The following CRB1 variants were observed in gnomAD, a reference collection of about 807,000 sequenced individuals.
The protein encoded by CRB1 is crumbs cell polarity complex component 1.
CRB1 carries 83 observed loss-of-function variants against 120.0 expected under a neutral mutation model. The observed-to-expected ratio is 0.69, with a 90% confidence interval of 0.58 to 0.83. The LOEUF is 0.83. CRB1 is among the 40% of genes least tolerant of loss of function. The probability of loss-of-function intolerance (pLI) is 0.00; values close to 1 mark genes in which losing one functional copy is unlikely to be tolerated. For synonymous variants in CRB1, 625 were observed against 612.5 expected (o/e 1.02, Z -0.30); for missense variants, 1,699 against 1,687.6 (o/e 1.01, Z -0.12).
intron 11 of CRB1, among the ~76,000 whole-genome samples, chr1:197,455,985 T>C (rs905048017): frequency 1.4e-4 from 21 of 152,110 alleles, no homozygotes; most frequent in African/African-American, 4.8e-4. Context: ...ATTTGATGTT[T>C]TGGAAATTAT....
intron 5 of CRB1, among the ~76,000 whole-genome samples, chr1:197,361,791 A>G (rs1402742985): frequency 6.7e-6 from 1 of 150,010 alleles, no homozygotes; most frequent in African/African-American, 2.5e-5. Context: ...TTTTGGTTTC[A>G]TTTATTTTCT....
chr1:197,441,843 C>T, intron 10 of CRB1: 2 of 347,340 alleles, frequency 5.8e-6, no homozygotes, highest in South Asian at 5.6e-5. Context: ...GTGGCAACCA[C>T]ACTAATGCTC....
At chr1:197,317,156 G>A (rs979568703) in intron 1 of CRB1, among the ~76,000 whole-genome samples, 5 of 152,130 alleles carry the variant, frequency 3.3e-5, no homozygotes. Flanking sequence ...GGTGGCTCAC[G>A]CCTGTAATCC....
chr1:197,237,859 T>C, the CRB1 span, among the ~76,000 whole-genome samples: 2 of 152,126 alleles, frequency 1.3e-5, no homozygotes, highest in Non-Finnish European at 2.9e-5. Context: ...TGATTTCTGC[T>C]CTTTATTATT....
At chr1:197,375,458 G>A (rs1571423783) in intron 5 of CRB1, among the ~76,000 whole-genome samples, 1 of 152,028 alleles carries the variant, frequency 6.6e-6, no homozygotes, top group East Asian at 1.9e-4. Context: ...TTTCAAAGTT[G>A]CTTGCTGCAA....
intron 2 of CRB1, among the ~76,000 whole-genome samples, chr1:197,329,539 T>C (rs986180656): frequency 1.3e-5 from 2 of 152,232 alleles, no homozygotes; most frequent in Admixed American, 6.5e-5. Context: ...CAATTGTACC[T>C]CATATTTATC....
intron 1 of CRB1, among the ~76,000 whole-genome samples, chr1:197,287,825 A>G (rs1338930191): frequency 6.6e-6 from 1 of 151,890 alleles, no homozygotes; most frequent in Admixed American, 6.6e-5. Context: ...AGAGGTGTCC[A>G]CTTCTGAGCA....
At chr1:197,471,538 G>T (rs1272407634) in intron 11 of CRB1, among the ~76,000 whole-genome samples, 1 of 152,166 alleles carries the variant, frequency 6.6e-6, no homozygotes, top group Admixed American at 6.5e-5. Flanking sequence ...AGAGGGAAAG[G>T]TGCCTGGTGG....
At chr1:197,443,561 AT>A (rs1665561647) in intron 11 of CRB1, 1 of 151,892 alleles carries the variant, frequency 6.6e-6, no homozygotes, top group Non-Finnish European at 1.5e-5. Flanking sequence ...AAAAGTATAT[AT>A]TGTAAAACTT....
intron 11 of CRB1, among the ~76,000 whole-genome samples, chr1:197,451,897 A>C (rs190928043): frequency 1.3e-5 from 2 of 152,378 alleles, no homozygotes; most frequent in Admixed American, 1.3e-4. Context: ...TATGCCACTG[A>C]AACATTAGAT....
chr1:197,356,856 C>T lies in CRB1; in HGVS notation c.1014C>T (p.Ile338=), dbSNP rs771549675. ...WPGYTGAQCE[I]DLNECNSNPC... ...GATACACAGGTGCCCAGTGTGAGAT[C>T]GACCTCAATGAATGCAATAGTAACC... is the stretch of plus-strand genomic sequence containing the variant. Residue 338 remains isoleucine (I), a synonymous_variant, in exon 5 of 12, where the codon ATC becomes ATT. Coordinates refer to ENST00000367400, the MANE Select transcript of CRB1 (RefSeq NM_201253.3). The T allele has an allele frequency of 6.8e-6, 11 of 1,614,036 alleles. No homozygotes were observed. Among genetic ancestry groups the T allele is most frequent in the African/African-American group, 4.0e-5 (3 of 74,916 alleles).
chr1:197,354,749 C>G (rs1042457871), intron 4 of CRB1, among the ~76,000 whole-genome samples: 1 of 137,298 alleles, frequency 7.3e-6, no homozygotes, highest in Non-Finnish European at 1.5e-5. Flanking sequence ...CCACAGTGTA[C>G]AACATGACCT....
At position 197,427,705 on chromosome 1, in the gene CRB1, C is replaced by T. The variant is rs1294237377; in HGVS notation, c.2380C>T (p.His794Tyr). The change falls in exon 7 of 12, where the codon CAC becomes TAC. Residue 794 changes from histidine to tyrosine, a missense_variant. His to Tyr is a moderately conservative substitution (Grantham distance 83). Transcript: ENST00000367400. ...ATTTGTTCTTAATGATGGAAATGTC[C>T]ACTTGATATCTTTGAAAATCAAGCC... ...VKFVLNDGNV[H>Y]LISLKIKPYK... The T allele has an allele frequency of 1.2e-6, 2 of 1,613,840 alleles. No homozygotes were observed. The highest frequency in any genetic ancestry group is 8.5e-7 in the Non-Finnish European group (1 of 1,179,896).
At chr1:197,274,454 G>A (rs975993997) in intron 1 of CRB1, among the ~76,000 whole-genome samples, 4 of 152,026 alleles carry the variant, frequency 2.6e-5, no homozygotes, top group African/African-American at 9.7e-5. Flanking sequence ...GGATTTCTTT[G>A]ATGTCCTAAA....
At chr1:197,412,661 G>A (rs1446696382) in intron 5 of CRB1, among the ~76,000 whole-genome samples, 1 of 152,098 alleles carries the variant, frequency 6.6e-6, no homozygotes, top group Admixed American at 6.6e-5. Context: ...GGTCCTCAAG[G>A]CTGTTGTCTG....
At chr1:197,428,967 G>A (rs1475735888) in intron 7 of CRB1, 12 of 1,532,480 alleles carry the variant, frequency 7.8e-6, no homozygotes, top group Non-Finnish European at 9.6e-6. Context: ...CTATGTCTCT[G>A]ATTCAGAGGC....
Position 197,306,101 on chromosome 1 carries a change from G to T in CRB1, c.71-22321G>T, listed in dbSNP as rs149484501. On this transcript the variant is annotated intron_variant, in intron 1 of 11. Coordinates refer to ENST00000367400, the MANE Select transcript of CRB1 (RefSeq NM_201253.3). ...AACAGCACCAAGGAATGTAAGCAGA[G>T]GAATAGGTCAGATCCAGGAAAGGAA... Among the ~76,000 whole-genome samples the T allele has an allele frequency of 5.6e-4, 85 of 152,170 alleles. 1 individual carries two copies. In the East Asian group the frequency reaches 0.014, roughly 25 times the overall value.
intron 11 of CRB1, among the ~76,000 whole-genome samples, chr1:197,453,342 T>A (rs1666063125): frequency 6.8e-6 from 1 of 147,338 alleles, no homozygotes; most frequent in Non-Finnish European, 1.5e-5. Flanking sequence ...ATAATTAAAT[T>A]AGTATAATTA....
intron 1 of CRB1, among the ~76,000 whole-genome samples, chr1:197,284,165 T>C (rs992748967): frequency 6.6e-6 from 1 of 151,944 alleles, no homozygotes; most frequent in African/African-American, 2.4e-5. Context: ...TGATTTATAG[T>C]CAGACTTGAG....
Sources: allele counts gnomAD v4.1 joint callset (sites outside exome capture counted in the v4.1 genomes callset), GRCh38; gene constraint gnomAD v4.1.1; transcripts MANE v1.5; gene names NCBI Gene and HGNC (gene_info 2026-07-23, HGNC 2026-07-21).